Variants in FAM111A observed in about 807,000 individuals in gnomAD.
FAM111A encodes the protein FAM111 trypsin like peptidase A, also known as serine protease FAM111A.
Under a neutral mutation model 3.3 loss-of-function variants are expected in FAM111A, and 8 were observed. The ratio of observed to expected loss-of-function variants is 2.39; its 90% CI spans 1.40 to 4.32. FAM111A has a LOEUF of 4.32. Ranked by LOEUF, FAM111A falls within the 30% of genes most tolerant of loss-of-function variation. The pLI, the probability that FAM111A is intolerant of heterozygous loss-of-function variation, is 0.00. For missense variants in FAM111A, 683 were observed against 727.6 expected, an observed-to-expected ratio of 0.94 and a Z score of 0.71; for synonymous variants, 227 against 243.1, an observed-to-expected ratio of 0.93 and a Z score of 0.62.
In FAM111A at chr11:59,153,120, T is replaced by A; in HGVS notation, c.1452T>A (p.Ala484=). Residue 484 remains alanine, a synonymous_variant, in exon 6 of 6, where the codon GCT becomes GCA. Transcript: ENST00000675163. The stretch of plus-strand genomic sequence containing the variant: ...ATGGAGAAAAAAAGCAGATTGATGC[T>A]TGTGCTGTGATCCCTCAGGGTCAGC... The part of the protein sequence containing the change: ...HPYGEKKQID[A]CAVIPQGQRA... The A allele has an allele frequency of 6.2e-7, 1 of 1,614,212 alleles. No individual in the cohort carries two copies. The highest frequency in any genetic ancestry group is 1.1e-5 in the South Asian group (1 of 91,078).
chr11:59,149,215 A>G (rs1439361275), intron 5 of FAM111A: 4 of 355,314 alleles, frequency 1.1e-5, no homozygotes, highest in Non-Finnish European at 2.0e-5. Context: ...AAGAAAAAAA[A>G]AGTCATGCAC....
rs370266913 is a variant in FAM111A, at chr11:59,151,924, C to A, written c.256C>A (p.His86Asn). 1 of 1,614,002 alleles carries A rather than the reference C, an allele frequency of 6.2e-7. No homozygotes were observed. The change falls in exon 6 of 6, where the codon CAC becomes AAC. Residue 86 changes from histidine to asparagine, a missense_variant. Coordinates refer to ENST00000675163, the MANE Select transcript of FAM111A (RefSeq NM_001312909.2). The stretch of plus-strand genomic sequence containing the variant: ...AATATATGTTACCTTGAAGGTAAAC[C>A]ACAGGAGAAACCAAGATATGAAACT... ...RTIYVTLKVN[H>N]RRNQDMKLKL...
intron 4 of FAM111A, 31 bp from the exon 5 acceptor site, chr11:59,148,766 C>T (rs948926057): frequency 5.3e-6 from 4 of 759,790 alleles, no homozygotes; most frequent in Non-Finnish European, 9.1e-6. Flanking sequence ...AGGACACCAG[C>T]TAATCTTTTC....
At position 59,152,679 on chromosome 11, in the gene FAM111A, A is replaced by G; in HGVS notation, c.1011A>G (p.Val337=). 6.2e-7 allele frequency: 1 copy of G among 1,614,194 alleles called. No individual in the cohort carries two copies. Among genetic ancestry groups the G allele is most frequent in the East Asian group, 2.2e-5 (1 of 44,884 alleles). The change falls in exon 6 of 6, where the codon GTA becomes GTG. Residue 337 remains valine, a synonymous_variant. Coordinates refer to ENST00000675163, the MANE Select transcript of FAM111A (RefSeq NM_001312909.2). The part of the protein sequence containing the change: ...FELHRTTFGK[V]TKNSSSIKVV... ...TGCATAGAACAACGTTTGGGAAAGT[A>G]ACAAAAAATTCTTCTTCGATTAAAG...
chr11:59,153,305 T>A lies in FAM111A; in HGVS notation c.1637T>A (p.Phe546Tyr). ...TTTGGGGCTTCCGGCTCCCCTGTGTTTGATTCAAAAGGTTCATTGGTGGCC... is the reference window on the plus strand; with the variant it reads ...TTTGGGGCTTCCGGCTCCCCTGTGTATGATTCAAAAGGTTCATTGGTGGCC... Reference protein sequence around the residue: ...FFFGASGSPVFDSKGSLVAMH... With the variant: ...FFFGASGSPVYDSKGSLVAMH... Residue 546 changes from phenylalanine (F) to tyrosine (Y), a missense_variant, in exon 6 of 6, where the codon TTT (phenylalanine) becomes TAT (tyrosine). Phe to Tyr is a conservative substitution (Grantham distance 22). Around this residue, in one of 3 missense-constraint regions of FAM111A, gnomAD observed 122 missense variants for 110.9 expected, o/e 1.10. Coordinates refer to ENST00000675163, the MANE Select transcript of FAM111A (RefSeq NM_001312909.2). 1 of 1,614,194 alleles carries A rather than the reference T, an allele frequency of 6.2e-7. No homozygotes were observed. The highest frequency in any genetic ancestry group is 1.1e-5 in the South Asian group (1 of 91,084).
Position 59,153,126 on chromosome 11 carries a change from T to G in FAM111A, c.1458T>G (p.Ala486=). The G allele has an allele frequency of 6.2e-7, 1 of 1,614,222 alleles. No individual in the cohort carries two copies. Among genetic ancestry groups the G allele is most frequent in the South Asian group, 1.1e-5 (1 of 91,084 alleles). ...YGEKKQIDAC[A]VIPQGQRAKK... ...AAAAAAAGCAGATTGATGCTTGTGCTGTGATCCCTCAGGGTCAGCGAGCAA... is the reference window on the plus strand; with the variant it reads ...AAAAAAAGCAGATTGATGCTTGTGCGGTGATCCCTCAGGGTCAGCGAGCAA... The change falls in exon 6 of 6, where the codon GCT becomes GCG. Residue 486 remains alanine (A), a synonymous_variant. Coordinates refer to ENST00000675163, the MANE Select transcript of FAM111A (RefSeq NM_001312909.2).
At chr11:59,147,036 T>G (rs1285012492) in intron 4 of FAM111A, among the ~76,000 whole-genome samples, 1 of 151,938 alleles carries the variant, frequency 6.6e-6, no homozygotes, top group Non-Finnish European at 1.5e-5. Context: ...AAAAGGATGG[T>G]GTAAGGGTAG....
In FAM111A at chr11:59,153,296, C is replaced by T. The variant is rs758555695; in HGVS notation, c.1628C>T (p.Ser543Phe). 3.1e-6 allele frequency: 5 copies of T among 1,614,156 alleles called. No individual in the cohort carries two copies. The highest frequency in any genetic ancestry group is 3.4e-6 in the Non-Finnish European group (4 of 1,180,024). ...GAATTTTTCTTTGGGGCTTCCGGCT[C>T]CCCTGTGTTTGATTCAAAAGGTTCA... ...DTEFFFGASG[S>F]PVFDSKGSLV... is the part of the protein sequence containing the mutation. The change falls in exon 6 of 6, where the codon TCC becomes TTC. Residue 543 changes from serine (S) to phenylalanine (F), a missense_variant. Around this residue, in one of 3 missense-constraint regions of FAM111A, gnomAD observed 122 missense variants for 110.9 expected, o/e 1.10. Transcript: ENST00000675163.
At chr11:59,147,724 A>G (rs11229844) in intron 4 of FAM111A, among the ~76,000 whole-genome samples, 4,779 of 152,286 alleles carry the variant, frequency 0.031, 215 homozygotes, top group East Asian at 0.16. Context: ...ACAATTAACT[A>G]TGTGATAGGT....
At chr11:59,151,693 G>GA in intron 5 of FAM111A, 57 bp from the exon 6 acceptor site, 1 of 1,336,996 alleles carries the variant, frequency 7.5e-7, no homozygotes, top group Non-Finnish European at 1.0e-6. Flanking sequence ...CCTGAAAAGA[G>GA]AAACAAAAGA....
intron 4 of FAM111A, chr11:59,148,563 G>A (rs990513553): frequency 9.4e-5 from 27 of 287,620 alleles, no homozygotes; most frequent in Admixed American, 2.9e-4. Flanking sequence ...CATAGCATCC[G>A]CAGGAATTTG....
chr11:59,148,723 C>A (rs577445516), intron 4 of FAM111A, 74 bp from the exon 5 acceptor site: 3 of 605,960 alleles, frequency 5.0e-6, no homozygotes, highest in Non-Finnish European at 9.0e-6. Context: ...CCAGGGAGAG[C>A]AAGGTTGGAG....
In FAM111A at chr11:59,154,203, T is replaced by C. The variant is rs1004780557; in HGVS notation, c.*699T>C. ...TTCCCTACATCTGACATAAGGAAAG[T>C]AAGTGCTCAGAAAAATGTGCAGGTC... On this transcript the variant is annotated 3_prime_UTR_variant, in exon 6 of 6. Coordinates refer to ENST00000675163, the MANE Select transcript of FAM111A (RefSeq NM_001312909.2). The C allele has an allele frequency of 4.6e-5, 7 of 152,142 alleles. No homozygotes were observed. The highest frequency in any genetic ancestry group is 1.2e-4 in the African/African-American group (5 of 41,436). The allele number at this position is 152,142 out of a possible 1,614,324, so 9.4% of individuals were successfully genotyped here.
rs972219698 is a variant in FAM111A at position 59,142,933 on chromosome 11, G to A, written c.-541G>A. Reference sequence around the variant, plus strand: ...CAATACTCGGGACTGGGGAAACCGGGAGAATAGAAGCAGGCAAGGACCGCC... The same window carrying A: ...CAATACTCGGGACTGGGGAAACCGGAAGAATAGAAGCAGGCAAGGACCGCC... On this transcript the variant is annotated 5_prime_UTR_variant, in exon 1 of 6. Coordinates refer to ENST00000675163, the MANE Select transcript of FAM111A (RefSeq NM_001312909.2). The A allele has an allele frequency of 2.0e-5, 3 of 152,276 alleles. No homozygotes were observed. The highest frequency in any genetic ancestry group is 4.4e-5 in the Non-Finnish European group (3 of 68,104). The allele number at this position is 152,276 out of a possible 1,614,324, so 9.4% of individuals were successfully genotyped here. A position where few individuals can be genotyped will look rare whatever the true frequency, so the allele number is the denominator to read the frequency against.
At chr11:59,145,014 G>C (rs1478305588) in intron 3 of FAM111A, 1 of 152,428 alleles carries the variant, frequency 6.6e-6, no homozygotes, top group Non-Finnish European at 1.5e-5. Context: ...GCCGGGGACT[G>C]ACAGCGCCAC....
intron 4 of FAM111A, among the ~76,000 whole-genome samples, chr11:59,147,771 T>C (rs574041537): frequency 8.5e-5 from 13 of 152,362 alleles, no homozygotes; most frequent in African/African-American, 3.1e-4. Flanking sequence ...TCATTTTTTC[T>C]CTAATAAATT....
rs780435879 is a variant in FAM111A at position 59,152,197 on chromosome 11, G to T, written c.529G>T (p.Ala177Ser). ...CCACATATTTGGCAGGCAGGACAAA[G>T]CATCGACTGAATGTGTCAAATTTTA... ...DNHIFGRQDKASTECVKFYIH... is the reference protein window; with the variant it reads ...DNHIFGRQDKSSTECVKFYIH... Residue 177 changes from alanine (A) to serine (S), a missense_variant, in exon 6 of 6, where the codon GCA becomes TCA. By Grantham distance (99) the Ala-to-Ser change is moderately conservative. Coordinates refer to ENST00000675163, the MANE Select transcript of FAM111A (RefSeq NM_001312909.2). 2 of 1,614,156 alleles carry T rather than the reference G, an allele frequency of 1.2e-6. No individual in the cohort carries two copies. Among genetic ancestry groups the T allele is most frequent in the South Asian group, 1.1e-5 (1 of 91,076 alleles).
In FAM111A at chr11:59,151,913, T is replaced by G. The variant is rs772115522; in HGVS notation, c.245T>G (p.Leu82Trp). The part of the protein sequence containing the change: ...MPQNRTIYVT[L>W]KVNHRRNQDM... ...CAAAATAGGACAATATATGTTACCT[T>G]GAAGGTAAACCACAGGAGAAACCAA... The change falls in exon 6 of 6, where the codon TTG becomes TGG. Residue 82 changes from leucine to tryptophan, a missense_variant. Leu to Trp is a moderately conservative substitution (Grantham distance 61). This residue lies in a region of FAM111A where 557 missense variants were observed against 600.2 expected (regional missense o/e 0.93). Coordinates refer to ENST00000675163, the MANE Select transcript of FAM111A (RefSeq NM_001312909.2). The G allele has an allele frequency of 6.2e-7, 1 of 1,614,032 alleles. No individual in the cohort carries two copies. The highest frequency in any genetic ancestry group is 8.5e-7 in the Non-Finnish European group (1 of 1,180,046).
rs1480187839 is a variant in FAM111A at position 59,154,052 on chromosome 11, C to T, written c.*548C>T. On this transcript the variant is annotated 3_prime_UTR_variant, in exon 6 of 6. Coordinates refer to ENST00000675163, the MANE Select transcript of FAM111A (RefSeq NM_001312909.2). Reference sequence around the variant, plus strand: ...TAAAGTCAAGCAATGGGAAGAATAACAAGATTATATAGTAATCAGTTTCAT... The same window carrying T: ...TAAAGTCAAGCAATGGGAAGAATAATAAGATTATATAGTAATCAGTTTCAT... 1 of 152,122 alleles carries T rather than the reference C, an allele frequency of 6.6e-6. No individual in the cohort carries two copies. Among genetic ancestry groups the T allele is most frequent in the Non-Finnish European group, 1.5e-5 (1 of 68,104 alleles). The allele number at this position is 152,122 out of a possible 1,614,324, so 9.4% of individuals were successfully genotyped here. A position where few individuals can be genotyped will look rare whatever the true frequency, so the allele number is the denominator to read the frequency against.
Sources: gnomAD v4.1 joint callset for allele counts (sites outside exome capture counted in the v4.1 genomes callset) on GRCh38, gnomAD v4.1.1 for gene constraint, gnomAD v4.1.1 regional missense constraint, MANE v1.5 for transcripts, NCBI Gene and HGNC (gene_info 2026-07-23, HGNC 2026-07-21) for gene names.